Variants in UNC80 observed in about 807,000 individuals in gnomAD.
The protein encoded by UNC80 is protein unc-80 homolog.
A neutral mutation model predicts 384.6 loss-of-function variants in UNC80; 164 were observed. The observed-to-expected ratio is 0.43, with a 90% CI of 0.38 to 0.49. The LOEUF is 0.49. Ranked by LOEUF, UNC80 falls within the 20% of genes least tolerant of loss-of-function variation. The pLI is 0.00. For synonymous variants in UNC80, 1,486 were observed against 1,527.8 expected (o/e 0.97, Z 0.64); for missense variants, 3,330 against 4,143.0 (o/e 0.80, Z 5.39).
At position 209,976,210 on chromosome 2, in the gene UNC80, G is replaced by A; in HGVS notation, c.8679G>A (p.Lys2893=). The A allele has an allele frequency of 1.3e-6, 2 of 1,551,706 alleles. No individual in the cohort carries two copies. Among genetic ancestry groups the A allele is most frequent in the South Asian group, 1.2e-5 (1 of 84,056 alleles). ...SLQVKEMALR[K]VGGLALWDFL... The stretch of plus-strand genomic sequence containing the variant: ...AGGTGAAGGAGATGGCTCTGCGGAA[G>A]GTGGGAGGCCTGGCCCTTTGGGATT... Residue 2893 remains lysine, a synonymous_variant, in exon 57 of 65, where the codon AAG becomes AAA. Coordinates refer to ENST00000673920, the MANE Select transcript of UNC80 (RefSeq NM_001371986.1). This position sits in a 1 kb window ranked among gnomAD's most constrained non-coding sequence, Gnocchi z 4.3.
rs779012867 is a variant in UNC80 at position 209,917,926 on chromosome 2, C to T, written c.5179C>T (p.Arg1727Trp). ...LWRFRYQVWPRMEEGAQQIFK... is the reference protein window; with the variant it reads ...LWRFRYQVWPWMEEGAQQIFK... ...GAGGTTTCGCTATCAGGTCTGGCCC[C>T]GGATGGAGGAAGGGGCACAGCAGAT... The change falls in exon 32 of 65, where the codon CGG becomes TGG. Residue 1727 changes from arginine to tryptophan, a missense_variant. By Grantham distance (101) the Arg-to-Trp change is moderately radical. Around this residue, in one of 8 missense-constraint regions of UNC80, gnomAD observed 801 missense variants for 950.8 expected, o/e 0.84. Transcript: ENST00000673920. 30 of 1,551,388 alleles carry T rather than the reference C, an allele frequency of 1.9e-5. No homozygotes were observed. The highest frequency in any genetic ancestry group is 5.5e-5 in the African/African-American group (4 of 72,972).
chr2:209,851,458 G>A (rs1394617329), intron 22 of UNC80, among the ~76,000 whole-genome samples: 1 of 152,060 alleles, frequency 6.6e-6, no homozygotes, highest in Non-Finnish European at 1.5e-5. Flanking sequence ...AATGGAAAGG[G>A]TGGTGGTATT....
At chr2:209,973,021 A>G in intron 55 of UNC80, 43 bp from the exon 56 acceptor site, 1 of 1,531,712 alleles carries the variant, frequency 6.5e-7, no homozygotes. Flanking sequence ...CTACCTTGTG[A>G]TGTTTTTCTT....
At chr2:209,832,256 C>T (rs959150223) in intron 16 of UNC80, among the ~76,000 whole-genome samples, 5 of 152,000 alleles carry the variant, frequency 3.3e-5, no homozygotes, top group African/African-American at 4.8e-5. Flanking sequence ...TTACCGCTAA[C>T]GAACTTACTC....
chr2:209,821,774 A>G (rs1215099451), intron 13 of UNC80, among the ~76,000 whole-genome samples: 3 of 152,146 alleles, frequency 2.0e-5, no homozygotes, highest in Non-Finnish European at 4.4e-5. Context: ...CACTAATCTC[A>G]ATTTATGGTT....
At position 209,972,737 on chromosome 2, in the gene UNC80, G is replaced by T. The variant is rs145517569; in HGVS notation, c.8381-327G>T. Among the ~76,000 whole-genome samples, 5 of 152,264 alleles carry T rather than the reference G, an allele frequency of 3.3e-5. No homozygotes were observed. The East Asian group carries it at 9.7e-4, about 29-fold the overall frequency. On this transcript the variant is annotated intron_variant, in intron 55 of 64. Transcript: ENST00000673920. Reference sequence around the variant, plus strand: ...TATTTTCATTACTCTTTCTTCTTAGGGGTAGAGGGATTCTTTTAGGAAAAG... The same window carrying T: ...TATTTTCATTACTCTTTCTTCTTAGTGGTAGAGGGATTCTTTTAGGAAAAG...
intron 61 of UNC80, 94 bp downstream of exon 61, chr2:209,985,006 C>T (rs552883629): frequency 2.4e-5 from 27 of 1,119,012 alleles, no homozygotes; most frequent in African/African-American, 9.6e-5. Context: ...TGTCTCTTCT[C>T]GCCCCGTCTT....
intron 26 of UNC80, among the ~76,000 whole-genome samples, chr2:209,890,189 T>C (rs369668897): frequency 2.0e-5 from 3 of 152,016 alleles, no homozygotes; most frequent in African/African-American, 4.8e-5. Context: ...CTCACAGTTA[T>C]CTAATATGTC....
intron 28 of UNC80, among the ~76,000 whole-genome samples, chr2:209,899,672 A>G (rs2087176736): frequency 6.6e-6 from 1 of 152,140 alleles, no homozygotes; most frequent in Non-Finnish European, 1.5e-5. Context: ...TTTAATATGA[A>G]GATGTCCAAG....
At chr2:209,936,429 G>A (rs1269382657) in intron 40 of UNC80, among the ~76,000 whole-genome samples, 2 of 152,130 alleles carry the variant, frequency 1.3e-5, no homozygotes, top group Non-Finnish European at 2.9e-5. Flanking sequence ...ATTCTTAAGT[G>A]TTTCTCAAAC....
rs2079543007 is a variant in UNC80 at position 209,813,918 on chromosome 2, G to A, written c.1200+77G>A. ...GATTCTTTTTTTCTCTGTGCATCCA[G>A]CTCTTAGGTACTCTAGTGCTGACTT... is the stretch of plus-strand genomic sequence containing the variant. On this transcript the variant is annotated intron_variant, in intron 8 of 64. Transcript: ENST00000673920. The A allele has an allele frequency of 1.1e-5, 16 of 1,495,034 alleles. No homozygotes were observed. The South Asian group carries it at 2.0e-4, about 19-fold the overall frequency. The allele number at this position is 1,495,034 out of a possible 1,614,324, so 92.6% of individuals were successfully genotyped here. A position where few individuals can be genotyped will look rare whatever the true frequency, so the allele number is the denominator to read the frequency against.
At chr2:209,796,372 C>T (rs2078157974) in intron 7 of UNC80, 1 of 152,216 alleles carries the variant, frequency 6.6e-6, no homozygotes, top group South Asian at 2.1e-4. Flanking sequence ...CTTGCCTTGT[C>T]TCAGATGAGA....
At chr2:209,876,408 G>A (rs868099038) in intron 23 of UNC80, among the ~76,000 whole-genome samples, 3 of 152,112 alleles carry the variant, frequency 2.0e-5, no homozygotes, top group African/African-American at 2.4e-5. Context: ...AGGAAGAGAC[G>A]AATAAACATA....
At chr2:209,953,001 G>A (rs2092256485) in intron 47 of UNC80, among the ~76,000 whole-genome samples, 3 of 152,216 alleles carry the variant, frequency 2.0e-5, no homozygotes, top group East Asian at 1.9e-4. Flanking sequence ...AAACTCATTG[G>A]TATCTGTAAG....
intron 48 of UNC80, among the ~76,000 whole-genome samples, chr2:209,956,406 AT>A (rs1369061239): frequency 4.7e-5 from 1 of 21,216 alleles, no homozygotes. Flanking sequence ...AGCTCATTCA[AT>A]TTTTTGGCAG....
At position 209,878,165 on chromosome 2, in the gene UNC80, T is replaced by C. The variant is rs2084944946; in HGVS notation, c.3976+76T>C. 3.7e-6 allele frequency: 5 copies of C among 1,369,024 alleles called. No individual in the cohort carries two copies. In the South Asian group the frequency reaches 8.4e-5, roughly 23 times the overall value. The allele number at this position is 1,369,024 out of a possible 1,614,324, so 84.8% of individuals were successfully genotyped here. ...TTTAGGAGCACTTAATACTTCTCTT[T>C]TCTCCTTCATATTCTTACCACCTCC... On this transcript the variant is annotated intron_variant, in intron 24 of 64. Transcript: ENST00000673920.
At chr2:209,941,004 C>A (rs2091592178) in intron 43 of UNC80, among the ~76,000 whole-genome samples, 1 of 152,126 alleles carries the variant, frequency 6.6e-6, no homozygotes, top group East Asian at 1.9e-4. Context: ...CTGCCTTACC[C>A]ACAGTTAGTT....
At chr2:209,835,927 TTTTGTAGTAAACACAAA>T (rs2081307051) in intron 18 of UNC80, among the ~76,000 whole-genome samples, 2 of 152,258 alleles carry the variant, frequency 1.3e-5, no homozygotes, top group South Asian at 4.1e-4. Flanking sequence ...ATCTTAGAAA[TTTTGTAGTAAACACAAA>T]TTTGTGATAA....
At chr2:209,780,785 T>C (rs2153824876) in intron 4 of UNC80, among the ~76,000 whole-genome samples, 1 of 152,196 alleles carries the variant, frequency 6.6e-6, no homozygotes, top group East Asian at 1.9e-4. Context: ...TTGGAGCCTA[T>C]GGTCTTTCCC....
Sources: allele counts gnomAD v4.1 joint callset (sites outside exome capture counted in the v4.1 genomes callset), GRCh38; gene constraint gnomAD v4.1.1; regional missense constraint gnomAD v4.1.1; non-coding constraint Gnocchi (gnomAD v3.1); transcripts MANE v1.5; gene names NCBI Gene and HGNC (gene_info 2026-07-23, HGNC 2026-07-21).